Variants in CADM2 observed in about 807,000 individuals in gnomAD.
CADM2 encodes the protein cell adhesion molecule 2.
A neutral mutation model predicts 49.8 loss-of-function variants in CADM2; 12 were observed. The observed-to-expected ratio is 0.24, with a 90% CI of 0.15 to 0.39. The LOEUF (loss-of-function observed/expected upper bound fraction) is 0.39. Ranked by LOEUF, CADM2 falls within the 10% of genes least tolerant of loss-of-function variation. The pLI is 1.00. For missense variants in CADM2, 378 were observed against 492.3 expected (o/e 0.77, Z 2.20); for synonymous variants, 214 against 175.4 (o/e 1.22, Z -1.74).
At chr3:85,892,794 T>G (rs897952460) in intron 5 of CADM2, among the ~76,000 whole-genome samples, 1 of 152,074 alleles carries the variant, frequency 6.6e-6, no homozygotes, top group Non-Finnish European at 1.5e-5. Context: ...ACTCTGAAAC[T>G]GGGTAACAGG....
At chr3:85,524,697 T>C (rs1244403300) in intron 1 of CADM2, among the ~76,000 whole-genome samples, 1 of 152,162 alleles carries the variant, frequency 6.6e-6, no homozygotes. Context: ...ATCTTAATTT[T>C]TTCTGTCAAT....
chr3:85,675,347 C>T (rs2065859749), intron 1 of CADM2, among the ~76,000 whole-genome samples: 1 of 152,126 alleles, frequency 6.6e-6, no homozygotes, highest in Middle Eastern at 3.4e-3. Flanking sequence ...AATATTAAAC[C>T]TCTTTCAGCC....
intron 1 of CADM2, among the ~76,000 whole-genome samples, chr3:85,094,839 C>A (rs1185005155): frequency 1.3e-5 from 2 of 152,002 alleles, no homozygotes; most frequent in African/African-American, 4.8e-5. Flanking sequence ...AATGCACTAT[C>A]CAGAAGAGCT....
intron 1 of CADM2, among the ~76,000 whole-genome samples, chr3:85,357,784 A>C (rs1267837610): frequency 1.3e-5 from 2 of 152,066 alleles, no homozygotes; most frequent in African/African-American, 4.8e-5. Context: ...TCAGTGGGAA[A>C]ACAGTAGAGA....
rs141404046 is a variant in CADM2 at position 85,358,465 on chromosome 3, G to C, written c.62-368057G>C. Among the ~76,000 whole-genome samples, 438 of 152,136 alleles carry C rather than the reference G, an allele frequency of 2.9e-3. 2 individuals carry two copies. Among genetic ancestry groups the C allele is most frequent in the African/African-American group, 0.01 (418 of 41,516 alleles). ...GCCTGTGGCTCAGAGTTTGGTGATG[G>C]GCAGAACAGCAAACTAGGCAGATTA... On this transcript the variant is annotated intron_variant, in intron 1 of 9. Coordinates refer to ENST00000383699, the MANE Select transcript of CADM2 (RefSeq NM_001167675.2).
chr3:85,360,862 ACTCCCT>A, intron 1 of CADM2, among the ~76,000 whole-genome samples: 1 of 152,098 alleles, frequency 6.6e-6, no homozygotes, highest in South Asian at 2.1e-4. Context: ...TCACTGAGCC[ACTCCCT>A]GGTTCAAAGT....
intron 1 of CADM2, among the ~76,000 whole-genome samples, chr3:85,325,044 T>C (rs2044710458): frequency 6.6e-6 from 1 of 152,250 alleles, no homozygotes; most frequent in African/African-American, 2.4e-5. Flanking sequence ...TGATTTTTCT[T>C]ACCTGGAAAA....
chr3:85,588,707 G>A (rs910004174), intron 1 of CADM2, among the ~76,000 whole-genome samples: 1 of 151,980 alleles, frequency 6.6e-6, no homozygotes, highest in Non-Finnish European at 1.5e-5. Context: ...AGTAGCAACA[G>A]TATGCTAGGG....
chr3:85,016,149 G>T (rs774045101), intron 1 of CADM2, among the ~76,000 whole-genome samples: 6 of 152,128 alleles, frequency 3.9e-5, no homozygotes, highest in Non-Finnish European at 8.8e-5. Context: ...CAGTCCAGAA[G>T]AATATAAAGT....
At chr3:85,127,793 T>C (rs555442344) in intron 1 of CADM2, among the ~76,000 whole-genome samples, 2 of 152,284 alleles carry the variant, frequency 1.3e-5, no homozygotes, top group African/African-American at 4.8e-5. Flanking sequence ...CTCTGACACA[T>C]ATTTGATTTT....
intron 8 of CADM2, among the ~76,000 whole-genome samples, chr3:86,018,271 C>T (rs1732593901): frequency 7.7e-6 from 1 of 130,104 alleles, no homozygotes; most frequent in Non-Finnish European, 1.6e-5. Context: ...TTAATCCAGT[C>T]TATCATTGTT....
At chr3:85,713,995 A>G (rs565321516) in intron 1 of CADM2, among the ~76,000 whole-genome samples, 1 of 152,176 alleles carries the variant, frequency 6.6e-6, no homozygotes, top group Non-Finnish European at 1.5e-5. Flanking sequence ...GTCACATTTT[A>G]TCTTGCTCAA....
intron 1 of CADM2, among the ~76,000 whole-genome samples, chr3:85,205,001 T>G (rs1298473724): frequency 2.6e-5 from 4 of 151,616 alleles, no homozygotes; most frequent in Non-Finnish European, 5.9e-5. Context: ...ATATACTTTT[T>G]AAAACTACTT....
At chr3:86,041,477 G>A (rs1483064995) in intron 8 of CADM2, among the ~76,000 whole-genome samples, 1 of 152,128 alleles carries the variant, frequency 6.6e-6, no homozygotes, top group Non-Finnish European at 1.5e-5. Flanking sequence ...GATCAAAAGA[G>A]ACAAAGAAGG....
intron 1 of CADM2, among the ~76,000 whole-genome samples, chr3:85,293,119 C>T (rs2043850337): frequency 6.6e-6 from 1 of 151,980 alleles, no homozygotes; most frequent in South Asian, 2.1e-4. Flanking sequence ...ATCACTGATC[C>T]CACAGAAATA....
chr3:85,224,075 T>A (rs1023260010), intron 1 of CADM2, among the ~76,000 whole-genome samples: 1 of 152,188 alleles, frequency 6.6e-6, no homozygotes, highest in Admixed American at 6.5e-5. Context: ...CATGTGCACG[T>A]ATCTTTATAG....
intron 3 of CADM2, among the ~76,000 whole-genome samples, chr3:85,874,637 T>C (rs1711562442): frequency 6.6e-6 from 1 of 152,106 alleles, no homozygotes; most frequent in Non-Finnish European, 1.5e-5. Context: ...ACCATATCAT[T>C]TTCTTGTTCT....
At chr3:85,581,125 C>A (rs373688389) in intron 1 of CADM2, among the ~76,000 whole-genome samples, 2 of 151,998 alleles carry the variant, frequency 1.3e-5, no homozygotes, top group Admixed American at 1.3e-4. Flanking sequence ...TAGAAACATG[C>A]CTAATTTTTA....
At chr3:85,533,889 A>C (rs2061371967) in intron 1 of CADM2, among the ~76,000 whole-genome samples, 1 of 152,168 alleles carries the variant, frequency 6.6e-6, no homozygotes, top group African/African-American at 2.4e-5. Context: ...CTAGGGAAAG[A>C]GCAAGCCTTT....
Sources: allele counts gnomAD v4.1 joint callset (sites outside exome capture counted in the v4.1 genomes callset), GRCh38; gene constraint gnomAD v4.1.1; transcripts MANE v1.5; gene names NCBI Gene and HGNC (gene_info 2026-07-23, HGNC 2026-07-21).